TOGARAM2: variants seen among roughly 807,000 people sequenced by gnomAD.
TOGARAM2 encodes the protein TOG array regulator of axonemal microtubules 2, also known as TOG array regulator of axonemal microtubules protein 2.
In TOGARAM2, 85 loss-of-function variants were observed where a neutral mutation model predicts 93.3. That is an observed-to-expected ratio of 0.91 (90% CI 0.76 to 1.09). TOGARAM2 has a LOEUF of 1.09. Ranked by LOEUF, TOGARAM2 falls within the 50% of genes least tolerant of loss-of-function variation. The pLI, the probability that TOGARAM2 is intolerant of heterozygous loss-of-function variation, is 0.00. For synonymous variants in TOGARAM2, 593 were observed against 552.8 expected (o/e 1.07, Z -1.02); for missense variants, 1,277 against 1,334.5 (o/e 0.96, Z 0.67).
chr2:29,023,506 A>G (rs548387413), intron 12 of TOGARAM2, among the ~76,000 whole-genome samples: 1 of 152,302 alleles, frequency 6.6e-6, no homozygotes, highest in South Asian at 2.1e-4. Context: ...CCCCAACTCC[A>G]GGGCAGTGGT....
rs1014156722 is a variant in TOGARAM2 at position 29,044,775 on chromosome 2, C to T, written c.2636-549C>T. On this transcript the variant is annotated intron_variant, in intron 18 of 19. Coordinates refer to ENST00000379558, the MANE Select transcript of TOGARAM2 (RefSeq NM_199280.4). ...AATGAACCACCACCAGCTGTGGGTA[C>T]ATCTTGGTGGGTAGAGCACAAATTC... 2.1e-4 allele frequency among the ~76,000 whole-genome samples: 32 copies of T among 152,156 alleles called. 1 individual carries two copies. Among genetic ancestry groups the T allele is most frequent in the African/African-American group, 6.5e-4 (27 of 41,498 alleles).
At chr2:28,965,455 G>A (rs1159472898) in intron 1 of TOGARAM2, among the ~76,000 whole-genome samples, 1 of 152,102 alleles carries the variant, frequency 6.6e-6, no homozygotes, top group Non-Finnish European at 1.5e-5. Context: ...GATGGCTCTG[G>A]GGTTTATCAT....
At chr2:28,978,051 C>T (rs904917904), upstream of TOGARAM2, among the ~76,000 whole-genome samples, 2 of 152,156 alleles carry the variant, frequency 1.3e-5, no homozygotes, top group Non-Finnish European at 2.9e-5. Context: ...AGATTACAGG[C>T]ATGCGCCACC....
intron 9 of TOGARAM2, 106 bp from the exon 10 acceptor site, chr2:29,017,686 C>G: frequency 8.7e-7 from 1 of 1,148,296 alleles, no homozygotes; most frequent in South Asian, 1.8e-5. Flanking sequence ...GTTGGGGGTA[C>G]TGGCATGAGC....
intron 1 of TOGARAM2, among the ~76,000 whole-genome samples, chr2:28,982,852 G>A (rs1260726209): frequency 1.3e-5 from 2 of 152,060 alleles, no homozygotes; most frequent in Admixed American, 6.6e-5. Context: ...AAAACTGGCC[G>A]CCTCCCAGAA....
Position 29,005,008 on chromosome 2 carries a change from GTGTA to G in TOGARAM2, c.830+1330_830+1333del, listed in dbSNP as rs57186846. Among the ~76,000 whole-genome samples, 12 of 50,336 alleles carry G rather than the reference GTGTA, an allele frequency of 2.4e-4. 3 individuals carry two copies. Among genetic ancestry groups the G allele is most frequent in the East Asian group, 5.9e-4 (1 of 1,700 alleles). 33.0% of individuals were successfully genotyped at this position (50,336 alleles called of 152,430 possible). A position where few individuals can be genotyped will look rare whatever the true frequency, so the allele number is the denominator to read the frequency against. ...TGTGTGTGAGTGCATGTGTGTGCAT[GTGTA>G]TGTGTGAGTGCATGTATGTGAGTGC... is the stretch of plus-strand genomic sequence containing the variant. On this transcript the variant is annotated intron_variant, in intron 6 of 19. Transcript: ENST00000379558.
chr2:28,993,277 G>A (rs1229142737), intron 1 of TOGARAM2, among the ~76,000 whole-genome samples: 1 of 152,176 alleles, frequency 6.6e-6, no homozygotes, highest in African/African-American at 2.4e-5. Context: ...TCTGGTTAGA[G>A]ATATGGGGAA....
chr2:29,012,460 CTG>C (rs1664314629), intron 7 of TOGARAM2, among the ~76,000 whole-genome samples: 1 of 152,222 alleles, frequency 6.6e-6, no homozygotes, highest in Non-Finnish European at 1.5e-5. Context: ...CTCAGGCAGT[CTG>C]TGGCGAAATG....
chr2:29,001,503 T>C (rs963401476), intron 4 of TOGARAM2, among the ~76,000 whole-genome samples: 17 of 150,768 alleles, frequency 1.1e-4, no homozygotes, highest in African/African-American at 4.2e-4. Context: ...GCCCAGCTAA[T>C]CTTTTTTTTT....
chr2:29,014,630 G>C (rs1402817283), intron 8 of TOGARAM2, 69 bp downstream of exon 8: 2 of 1,516,930 alleles, frequency 1.3e-6, no homozygotes, highest in East Asian at 4.9e-5. Context: ...AGGCAAGCAA[G>C]TGTCTGAAGT....
intron 13 of TOGARAM2, 22 bp from the exon 14 acceptor site, chr2:29,026,831 C>G (rs1354670709): frequency 6.4e-7 from 1 of 1,566,952 alleles, no homozygotes. Context: ...AGACTGACCC[C>G]TGGGCCATGA....
chr2:29,033,055 A>G lies in TOGARAM2; in HGVS notation c.2130+4A>G. The stretch of plus-strand genomic sequence containing the variant: ...CATGGCGGCCATTAAACAGCAGGTG[A>G]GCTGTGGGGCATAAGTGGGTCATGG... On this transcript the variant is annotated splice_donor_region_variant and intron_variant, in intron 15 of 19. Coordinates refer to ENST00000379558, the MANE Select transcript of TOGARAM2 (RefSeq NM_199280.4). 6.2e-7 allele frequency: 1 copy of G among 1,611,304 alleles called. No individual in the cohort carries two copies. Among genetic ancestry groups the G allele is most frequent in the Non-Finnish European group, 8.5e-7 (1 of 1,178,406 alleles).
chr2:29,051,578 C>T (rs1667070706), intron 19 of TOGARAM2, 178 bp from the exon 20 acceptor site: 1 of 525,316 alleles, frequency 1.9e-6, no homozygotes, highest in African/African-American at 1.9e-5. Context: ...CATATATTTT[C>T]TACTAATGTT....
chr2:29,037,168 G>A (rs72788156), intron 18 of TOGARAM2, among the ~76,000 whole-genome samples: 13,718 of 152,078 alleles, frequency 0.09, 704 homozygotes, highest in East Asian at 0.14. Flanking sequence ...AAGAAAAAAC[G>A]GTGGGAGCTA....
At chr2:29,015,737 T>C (rs1457549360) in intron 8 of TOGARAM2, among the ~76,000 whole-genome samples, 1 of 152,138 alleles carries the variant, frequency 6.6e-6, no homozygotes, top group Non-Finnish European at 1.5e-5. Context: ...GTCTCATCCT[T>C]GAATTCTCCA....
chr2:29,002,711 T>G lies in TOGARAM2; in HGVS notation c.603T>G (p.Ile201Met), dbSNP rs1443840146. Reference sequence around the variant, plus strand: ...AGGGCCTGGACCTACCGGGGAGCATTCCGGGTCCTCACGAGTTGAGACCCG... The same window carrying G: ...AGGGCCTGGACCTACCGGGGAGCATGCCGGGTCCTCACGAGTTGAGACCCG... ...KEKGLDLPGS[I>M]PGPHELRPGA... Residue 201 changes from isoleucine (I) to methionine (M), a missense_variant, in exon 5 of 20, where the codon ATT (isoleucine) becomes ATG (methionine). Physicochemically the swap from Ile to Met is conservative, Grantham distance 10 (BLOSUM62 1). Transcript: ENST00000379558. The G allele has an allele frequency of 1.2e-6, 2 of 1,613,872 alleles. No individual in the cohort carries two copies. Among genetic ancestry groups the G allele is most frequent in the Non-Finnish European group, 1.7e-6 (2 of 1,179,846 alleles).
rs1234557128 is a variant in TOGARAM2, at chr2:29,009,516, T to C, written c.831-1939T>C. On this transcript the variant is annotated intron_variant, in intron 6 of 19. Coordinates refer to ENST00000379558, the MANE Select transcript of TOGARAM2 (RefSeq NM_199280.4). ...GGGCAGAGGCAGGGAGTCTGTGGGC[T>C]GAGGATGCAGAGGTGGGGGCGGGGC... 2.5e-5 allele frequency among the ~76,000 whole-genome samples: 3 copies of C among 120,842 alleles called. No individual in the cohort carries two copies. The South Asian group carries it at 7.3e-4, about 30-fold the overall frequency. 79.3% of individuals were successfully genotyped at this position (120,842 alleles called of 152,430 possible). A position where few individuals can be genotyped will look rare whatever the true frequency, so the allele number is the denominator to read the frequency against.
intron 14 of TOGARAM2, among the ~76,000 whole-genome samples, chr2:29,029,617 G>T (rs1167152978): frequency 6.7e-6 from 1 of 149,920 alleles, no homozygotes; most frequent in South Asian, 2.2e-4. Context: ...TTAGCCAGGT[G>T]TGGTGGCGGG....
At chr2:29,042,685 A>G (rs1350870993) in intron 18 of TOGARAM2, among the ~76,000 whole-genome samples, 2 of 152,120 alleles carry the variant, frequency 1.3e-5, no homozygotes, top group South Asian at 2.1e-4. Flanking sequence ...CCTTGCCTTC[A>G]GGGTCAGCAG....
Sources: gnomAD v4.1 joint callset for allele counts (sites outside exome capture counted in the v4.1 genomes callset) on GRCh38, gnomAD v4.1.1 for gene constraint, MANE v1.5 for transcripts, NCBI Gene and HGNC (gene_info 2026-07-23, HGNC 2026-07-21) for gene names.